The following A2ML1 variants were observed in gnomAD, a reference collection of about 807,000 sequenced individuals.
The protein encoded by A2ML1 is alpha-2-macroglobulin-like protein 1.
A2ML1 carries 161 observed loss-of-function variants against 181.9 expected under a neutral mutation model. The observed-to-expected ratio is 0.89, with a 90% CI of 0.78 to 1.01. The LOEUF is 1.01. Among genes scored for constraint, A2ML1 ranks in the 50% least tolerant of loss-of-function variants. The probability of loss-of-function intolerance (pLI) is 0.00; values close to 1 mark genes in which losing one functional copy is unlikely to be tolerated. For missense variants in A2ML1, 1,670 were observed against 1,768.1 expected, an observed-to-expected ratio of 0.94 and a Z score of 1.00; for synonymous variants, 663 against 666.8, an observed-to-expected ratio of 0.99 and a Z score of 0.09.
Position 8,875,011 on chromosome 12 carries a change from A to T in A2ML1, c.4365A>T (p.Ter1455CysextTer2), listed in dbSNP as rs755440331. Residue 1455 changes from the stop codon to cysteine (C), a stop_lost and splice_region_variant, in exon 35 of 36, where the codon TGA (stop) becomes TGT (cysteine). Transcript: ENST00000299698. ...ATIQYSDPCE[*>C] ...TTCAGTATTCTGATCCCTGTGAATG[A>T]GGTAAGTCCAGCGGAGAAATGGGTG... 5 of 1,614,042 alleles carry T rather than the reference A, an allele frequency of 3.1e-6. No individual in the cohort carries two copies. The highest frequency in any genetic ancestry group is 4.2e-6 in the Non-Finnish European group (5 of 1,179,946).
chr12:8,842,479 A>G (rs1309145991), intron 11 of A2ML1, among the ~76,000 whole-genome samples: 5 of 152,158 alleles, frequency 3.3e-5, no homozygotes, highest in Non-Finnish European at 7.4e-5. Flanking sequence ...TTGGCCTCCC[A>G]AAGTGCTGGG....
At chr12:8,846,709 G>A (rs1173943814) in intron 14 of A2ML1, among the ~76,000 whole-genome samples, 1 of 151,832 alleles carries the variant, frequency 6.6e-6, no homozygotes. Flanking sequence ...TACTTGGGAG[G>A]CTGAGGCAGG....
Position 8,835,563 on chromosome 12 carries a change from T to G in A2ML1, c.540T>G (p.Ile180Met), listed in dbSNP as rs377551636. The part of the protein sequence containing the change: ...QWLEVVPEQG[I>M]VDLSFQLAPE... ...TGGAAGTGGTACCTGAGCAAGGCAT[T>G]GTAGACCTGTCCTTCCAACTGGCAC... The change falls in exon 6 of 36, where the codon ATT becomes ATG. Residue 180 changes from isoleucine (I) to methionine (M), a missense_variant. Physicochemically the swap from Ile to Met is conservative, Grantham distance 10. Coordinates refer to ENST00000299698, the MANE Select transcript of A2ML1 (RefSeq NM_144670.6). The G allele has an allele frequency of 1.1e-5, 17 of 1,614,140 alleles. No individual in the cohort carries two copies. Among genetic ancestry groups the G allele is most frequent in the African/African-American group, 1.3e-5 (1 of 75,038 alleles).
chr12:8,837,297 G>A (rs1943313875), intron 7 of A2ML1, 143 bp from the exon 8 acceptor site: 1 of 1,074,230 alleles, frequency 9.3e-7, no homozygotes, highest in Non-Finnish European at 1.3e-6. Context: ...TGGGATTACA[G>A]GCGTGAGCCA....
chr12:8,835,482 A>C (rs745835939), intron 5 of A2ML1, 25 bp from the exon 6 acceptor site: 1 of 1,613,028 alleles, frequency 6.2e-7, no homozygotes, highest in Admixed American at 1.7e-5. Flanking sequence ...GGGCAGGCAC[A>C]TCATGCAGTT....
intron 15 of A2ML1, 118 bp from the exon 16 acceptor site, chr12:8,848,602 C>A (rs1468779121): frequency 1.3e-6 from 1 of 753,282 alleles, no homozygotes; most frequent in Non-Finnish European, 2.0e-6. Flanking sequence ...AAAAATAATT[C>A]TGAAGTAATA....
intron 4 of A2ML1, among the ~76,000 whole-genome samples, chr12:8,833,009 C>T (rs975679136): frequency 3.2e-4 from 38 of 117,990 alleles, no homozygotes; most frequent in South Asian, 2.7e-4. Context: ...AGTTTCGCTG[C>T]GTTGCCCAGG....
intron 35 of A2ML1, chr12:8,875,343 G>A: frequency 4.6e-6 from 1 of 216,120 alleles, no homozygotes; most frequent in Non-Finnish European, 9.3e-6. Flanking sequence ...CTCCCAAAGT[G>A]CTGAGATTAC....
In A2ML1 at chr12:8,863,881, C is replaced by A; in HGVS notation, c.3590C>A (p.Thr1197Lys). ...CCTGCGGCTGTAGATGTGGAACTCA[C>A]AGCATATGCATTGTTGGCCCAGCTT... ...SEPAAVDVELTAYALLAQLTK... is the reference protein window; with the variant it reads ...SEPAAVDVELKAYALLAQLTK... The change falls in exon 29 of 36, where the codon ACA (threonine) becomes AAA (lysine). Residue 1197 changes from threonine (T) to lysine (K), a missense_variant. Physicochemically the swap from Thr to Lys is moderately conservative, Grantham distance 78. Transcript: ENST00000299698. 1 of 1,614,220 alleles carries A rather than the reference C, an allele frequency of 6.2e-7. No individual in the cohort carries two copies. Among genetic ancestry groups the A allele is most frequent in the Non-Finnish European group, 8.5e-7 (1 of 1,180,034 alleles).
chr12:8,823,168 T>G lies in A2ML1; in HGVS notation c.63-14T>G, dbSNP rs370199872. The G allele has an allele frequency of 1.8e-5, 29 of 1,611,208 alleles. No homozygotes were observed. The highest frequency in any genetic ancestry group is 2.3e-5 in the Non-Finnish European group (27 of 1,178,808). ...AATCATTATTGCCCTGAAATCCTTC[T>G]GCTCCTTTAATAGAAACTACCTGGT... On this transcript the variant is annotated splice_polypyrimidine_tract_variant and intron_variant, in intron 1 of 35. Coordinates refer to ENST00000299698, the MANE Select transcript of A2ML1 (RefSeq NM_144670.6).
chr12:8,844,189 A>G (rs1293706677), intron 12 of A2ML1, among the ~76,000 whole-genome samples: 4 of 152,142 alleles, frequency 2.6e-5, no homozygotes, highest in Non-Finnish European at 5.9e-5. Context: ...CCAGGACCAA[A>G]AAAAACAAAA....
intron 15 of A2ML1, among the ~76,000 whole-genome samples, chr12:8,848,355 C>G (rs1233907472): frequency 2.0e-5 from 3 of 151,204 alleles, no homozygotes; most frequent in Non-Finnish European, 4.4e-5. Flanking sequence ...GTGGCGCATG[C>G]CTGTAATCCC....
At chr12:8,883,214 C>A (rs780603132) in intron 7 of A2ML1, among the ~76,000 whole-genome samples, 1 of 152,090 alleles carries the variant, frequency 6.6e-6, no homozygotes, top group African/African-American at 2.4e-5. Context: ...TTTCTGTTGA[C>A]CCTCCCATCT....
intron 14 of A2ML1, 44 bp downstream of exon 14, chr12:8,846,266 G>A: frequency 6.2e-7 from 1 of 1,610,838 alleles, no homozygotes; most frequent in Non-Finnish European, 8.5e-7. Context: ...GTTGGGCATA[G>A]AGAAAGATCT....
intron 3 of A2ML1, among the ~76,000 whole-genome samples, chr12:8,827,425 C>G (rs113334476): frequency 0.018 from 2,813 of 152,312 alleles, 84 homozygotes; most frequent in African/African-American, 0.064. Context: ...CATTTTCTCT[C>G]TCAACCTCCT....
intron 7 of A2ML1, among the ~76,000 whole-genome samples, chr12:8,884,231 GTTTT>G (rs796251871): frequency 1.6e-5 from 2 of 121,564 alleles, no homozygotes; most frequent in African/African-American, 6.5e-5. Flanking sequence ...TTTATTTTTT[GTTTT>G]TTTTTGTTTT....
At chr12:8,870,569 G>A (rs1388703436) in intron 33 of A2ML1, among the ~76,000 whole-genome samples, 1 of 152,206 alleles carries the variant, frequency 6.6e-6, no homozygotes, top group Non-Finnish European at 1.5e-5. Flanking sequence ...ACCCAGCCGA[G>A]TTGTGTATAG....
intron 33 of A2ML1, among the ~76,000 whole-genome samples, chr12:8,869,806 G>A (rs184460069): frequency 3.9e-4 from 59 of 152,272 alleles, no homozygotes; most frequent in African/African-American, 1.4e-3. Flanking sequence ...AAAGTTAGCT[G>A]TAAAATGTGT....
At chr12:8,834,989 T>C (rs1273029065) in intron 5 of A2ML1, 1 of 430,454 alleles carries the variant, frequency 2.3e-6, no homozygotes, top group East Asian at 4.1e-5. Flanking sequence ...CTCCCCTTAG[T>C]GTAAGGTAAT....
Sources: gnomAD v4.1 joint callset for allele counts (sites outside exome capture counted in the v4.1 genomes callset) on GRCh38, gnomAD v4.1.1 for gene constraint, MANE v1.5 for transcripts, NCBI Gene and HGNC (gene_info 2026-07-23, HGNC 2026-07-21) for gene names.